The following PPFIA2 variants were observed in gnomAD, a reference collection of about 807,000 sequenced individuals.
The protein encoded by PPFIA2 is PPFI scaffold protein A2.
In PPFIA2, 46 loss-of-function variants were observed where a neutral mutation model predicts 175.5. The ratio of observed to expected loss-of-function variants is 0.26; its 90% CI spans 0.21 to 0.34. PPFIA2 has a LOEUF of 0.34. Among genes scored for constraint, PPFIA2 ranks in the 10% least tolerant of loss-of-function variants. The probability of loss-of-function intolerance (pLI) is 1.00; values close to 1 mark genes in which losing one functional copy is unlikely to be tolerated. For missense variants in PPFIA2, 1,179 were observed against 1,506.1 expected, an observed-to-expected ratio of 0.78 and a Z score of 3.60; for synonymous variants, 568 against 511.4, an observed-to-expected ratio of 1.11 and a Z score of -1.49.
chr12:81,314,874 T>G (rs1027864470), intron 22 of PPFIA2, among the ~76,000 whole-genome samples: 2 of 151,828 alleles, frequency 1.3e-5, no homozygotes, highest in African/African-American at 4.8e-5. Context: ...AATAAATATT[T>G]TTTTTAATAG....
intron 4 of PPFIA2, among the ~76,000 whole-genome samples, chr12:81,619,875 G>A (rs1315819430): frequency 6.6e-6 from 1 of 151,802 alleles, no homozygotes; most frequent in African/African-American, 2.4e-5. Flanking sequence ...AAGAAGAAAG[G>A]CAGGCCAGGC....
chr12:81,458,819 C>T (rs1239818641), intron 4 of PPFIA2, among the ~76,000 whole-genome samples: 1 of 152,000 alleles, frequency 6.6e-6, no homozygotes, highest in Admixed American at 6.6e-5. Flanking sequence ...CATATTATCA[C>T]CAAACCCTTT....
intron 7 of PPFIA2, among the ~76,000 whole-genome samples, chr12:81,413,390 T>C (rs1667586273): frequency 6.6e-6 from 1 of 151,780 alleles, no homozygotes; most frequent in Non-Finnish European, 1.5e-5. Context: ...GTCTTTCAAA[T>C]GTTCATATTA....
intron 4 of PPFIA2, among the ~76,000 whole-genome samples, chr12:81,536,446 T>C (rs1197446759): frequency 1.3e-5 from 2 of 151,428 alleles, no homozygotes; most frequent in Non-Finnish European, 3.0e-5. Context: ...TCAACAACCT[T>C]ATTTTAGATA....
intron 3 of PPFIA2, among the ~76,000 whole-genome samples, chr12:81,747,324 T>G (rs1188345172): frequency 6.9e-6 from 1 of 144,140 alleles, no homozygotes; most frequent in African/African-American, 2.4e-5. Flanking sequence ...TGTTGTTTGA[T>G]GTAATCAAGG....
chr12:81,387,480 G>T (rs930290076), intron 8 of PPFIA2, among the ~76,000 whole-genome samples: 23 of 152,096 alleles, frequency 1.5e-4, no homozygotes, highest in Non-Finnish European at 3.1e-4. Flanking sequence ...CAGGCAAATG[G>T]CAAGAAGTAC....
At chr12:81,616,800 C>T (rs2153475379) in intron 4 of PPFIA2, among the ~76,000 whole-genome samples, 1 of 152,264 alleles carries the variant, frequency 6.6e-6, no homozygotes, top group Middle Eastern at 3.4e-3. Flanking sequence ...AAAGGGCACA[C>T]ATTCAGTAAC....
intron 7 of PPFIA2, among the ~76,000 whole-genome samples, chr12:81,435,904 A>G (rs1261054477): frequency 6.6e-6 from 1 of 152,158 alleles, no homozygotes; most frequent in African/African-American, 2.4e-5. Context: ...CTTACTCTTC[A>G]AGATGGCAAT....
chr12:81,678,500 C>A (rs1256557744), intron 3 of PPFIA2, among the ~76,000 whole-genome samples: 2 of 151,850 alleles, frequency 1.3e-5, no homozygotes, highest in Non-Finnish European at 2.9e-5. Context: ...TGAATTTATT[C>A]ATGCATAGTC....
intron 4 of PPFIA2, among the ~76,000 whole-genome samples, chr12:81,668,967 AC>A (rs2070888040): frequency 6.6e-6 from 1 of 152,044 alleles, no homozygotes; most frequent in South Asian, 2.1e-4. Context: ...TTTATTAAAT[AC>A]TTATTGAAGG....
rs780279870 is a variant in PPFIA2 at position 81,374,760 on chromosome 12, C to T, written c.1140G>A (p.Glu380=). Residue 380 remains glutamate, a synonymous_variant, in exon 11 of 33, where the codon GAG becomes GAA. Transcript: ENST00000549396. ...GACGTTCTTGTAACTGTCTGTTTTT[C>T]TCTTCCATCTGAAATGGGAATGGGA... ...NKEAILRQME[E]KNRQLQERLE... The T allele has an allele frequency of 2.1e-5, 34 of 1,611,810 alleles. No homozygotes were observed. The African/African-American group carries it at 3.2e-4, about 15-fold the overall frequency.
intron 4 of PPFIA2, among the ~76,000 whole-genome samples, chr12:81,641,876 C>T (rs916509300): frequency 4.6e-5 from 7 of 152,134 alleles, no homozygotes; most frequent in African/African-American, 1.7e-4. Context: ...GTAGCTTATC[C>T]ATTCAGGAAA....
At chr12:81,311,749 A>AG (rs1555249969) in intron 22 of PPFIA2, among the ~76,000 whole-genome samples, 2 of 143,030 alleles carry the variant, frequency 1.4e-5, no homozygotes, top group East Asian at 2.1e-4. Flanking sequence ...AAAAAAAAAA[A>AG]AAAGAAAGAA....
chr12:81,555,805 A>G (rs1468581799), intron 4 of PPFIA2, among the ~76,000 whole-genome samples: 1 of 151,972 alleles, frequency 6.6e-6, no homozygotes, highest in Non-Finnish European at 1.5e-5. Context: ...CTGCAGATCA[A>G]TAAAAAGGTA....
chr12:81,383,945 A>T, intron 9 of PPFIA2, 78 bp downstream of exon 9: 1 of 1,181,416 alleles, frequency 8.5e-7, no homozygotes, highest in Non-Finnish European at 1.2e-6. Flanking sequence ...GTGTATGGTC[A>T]TTACGGGAAA....
At chr12:81,704,588 G>A (rs1273023930) in intron 3 of PPFIA2, among the ~76,000 whole-genome samples, 1 of 151,990 alleles carries the variant, frequency 6.6e-6, no homozygotes, top group African/African-American at 2.4e-5. Flanking sequence ...GCATCAATGA[G>A]AACAGATAAA....
At chr12:81,367,647 A>G (rs2033893597) in intron 13 of PPFIA2, among the ~76,000 whole-genome samples, 3 of 151,758 alleles carry the variant, frequency 2.0e-5, no homozygotes, top group South Asian at 4.1e-4. Flanking sequence ...ACAATTTATA[A>G]TGATACTTAA....
chr12:81,369,070 T>C, intron 12 of PPFIA2, 41 bp downstream of exon 12: 1 of 1,488,522 alleles, frequency 6.7e-7, no homozygotes, highest in Non-Finnish European at 9.3e-7. Flanking sequence ...TACGAATTCA[T>C]AAACCAATGA....
At chr12:81,600,313 C>A (rs1462720019) in intron 4 of PPFIA2, among the ~76,000 whole-genome samples, 1 of 151,804 alleles carries the variant, frequency 6.6e-6, no homozygotes, top group Non-Finnish European at 1.5e-5. Context: ...ATATGTTTTT[C>A]ATATTGTCCC....
Sources: gnomAD v4.1 joint callset for allele counts (sites outside exome capture counted in the v4.1 genomes callset) on GRCh38, gnomAD v4.1.1 for gene constraint, MANE v1.5 for transcripts, NCBI Gene and HGNC (gene_info 2026-07-23, HGNC 2026-07-21) for gene names.